Variants in PUM2 observed in about 807,000 individuals in gnomAD.
PUM2 encodes the protein pumilio RNA binding family member 2.
In PUM2, 57 loss-of-function variants were observed where a neutral mutation model predicts 124.5. The ratio of observed to expected loss-of-function variants is 0.46; its 90% CI spans 0.37 to 0.57. The LOEUF (loss-of-function observed/expected upper bound fraction) is 0.57, where lower values mean the gene tolerates loss of function less well. Ranked by LOEUF, PUM2 falls within the 20% of genes least tolerant of loss-of-function variation. The pLI, the probability that PUM2 is intolerant of heterozygous loss-of-function variation, is 0.00. For synonymous variants in PUM2, 460 were observed against 446.1 expected (o/e 1.03, Z -0.39); for missense variants, 1,065 against 1,290.6 (o/e 0.83, Z 2.68).
intron 2 of PUM2, among the ~76,000 whole-genome samples, chr2:20,322,468 G>A (rs1682610143): frequency 6.6e-6 from 1 of 151,896 alleles, no homozygotes; most frequent in African/African-American, 2.4e-5. Flanking sequence ...AAATTAGCCG[G>A]GTGTGGTGGC....
intron 13 of PUM2, among the ~76,000 whole-genome samples, 185 bp from the exon 14 acceptor site, chr2:20,263,645 T>G (rs556746966): frequency 5.9e-5 from 9 of 152,300 alleles, no homozygotes; most frequent in Non-Finnish European, 8.8e-5. Context: ...TGTGGCTATA[T>G]GATAAAGAGA....
At chr2:20,303,959 G>C (rs1198919706) in intron 7 of PUM2, among the ~76,000 whole-genome samples, 1 of 150,692 alleles carries the variant, frequency 6.6e-6, no homozygotes, top group Admixed American at 6.6e-5. Flanking sequence ...CCATAACTTA[G>C]AACTCTGCGA....
chr2:20,342,173 TA>T lies in PUM2; in HGVS notation c.-19+8423del, dbSNP rs11293035. Among the ~76,000 whole-genome samples, 741 of 151,624 alleles carry T rather than the reference TA, an allele frequency of 4.9e-3. 6 individuals carry two copies. The highest frequency in any genetic ancestry group is 0.016 in the African/African-American group (665 of 41,344). On this transcript the variant is annotated intron_variant, in intron 1 of 20. Transcript: ENST00000361078. ...AGAAAAAGAAATGTTAACTAAATTG[TA>T]ACAGAGAACTAAAGGAAGAAATCTG...
In PUM2 at chr2:20,327,298, G is replaced by A; in HGVS notation, c.51+12C>T. ...AGTGAGGTGTAAGTTCTTAGTATTT[G>A]CAAACATTTACCTCTCCCATTCCCC... On this transcript the variant is annotated intron_variant, in intron 2 of 20. Transcript: ENST00000361078. The A allele has an allele frequency of 6.6e-7, 1 of 1,518,354 alleles. No individual in the cohort carries two copies. 94.1% of individuals were successfully genotyped at this position (1,518,354 alleles called of 1,614,324 possible). A position where few individuals can be genotyped will look rare whatever the true frequency, so the allele number is the denominator to read the frequency against.
chr2:20,339,849 C>T (rs955297407), intron 1 of PUM2, among the ~76,000 whole-genome samples: 4 of 152,084 alleles, frequency 2.6e-5, no homozygotes, highest in Non-Finnish European at 4.4e-5. Flanking sequence ...GAGCCGAGAT[C>T]GTGCCACTGT....
intron 7 of PUM2, among the ~76,000 whole-genome samples, chr2:20,304,901 A>G (rs1478828278): frequency 6.6e-6 from 1 of 152,226 alleles, no homozygotes; most frequent in Non-Finnish European, 1.5e-5. Context: ...TGATTACTAA[A>G]TAACTGCAAA....
At chr2:20,271,153 C>G (rs1356232023) in intron 13 of PUM2, among the ~76,000 whole-genome samples, 1 of 151,546 alleles carries the variant, frequency 6.6e-6, no homozygotes. Context: ...CACAGATATT[C>G]AATATTGAAT....
chr2:20,294,861 A>G (rs1675144359), intron 8 of PUM2, among the ~76,000 whole-genome samples: 1 of 152,224 alleles, frequency 6.6e-6, no homozygotes, highest in South Asian at 2.1e-4. Flanking sequence ...TTAAATGCTC[A>G]TTCATCGTTT....
At chr2:20,278,298 T>C (rs143577741) in intron 13 of PUM2, among the ~76,000 whole-genome samples, 1 of 152,182 alleles carries the variant, frequency 6.6e-6, no homozygotes, top group African/African-American at 2.4e-5. Flanking sequence ...ACTTTTCAGA[T>C]GCTCTAAAAC....
intron 1 of PUM2, among the ~76,000 whole-genome samples, chr2:20,345,228 A>G (rs1470879718): frequency 2.0e-5 from 3 of 151,270 alleles, no homozygotes; most frequent in African/African-American, 7.3e-5. Context: ...TTCCCACCTC[A>G]GCCTCCCAAA....
intron 13 of PUM2, among the ~76,000 whole-genome samples, chr2:20,272,659 C>A (rs1669309708): frequency 1.3e-5 from 2 of 152,134 alleles, no homozygotes; most frequent in African/African-American, 4.8e-5. Flanking sequence ...TCTGCTTTTC[C>A]ATTTTCATTT....
At chr2:20,300,446 G>T (rs1015013277) in intron 7 of PUM2, among the ~76,000 whole-genome samples, 131 of 152,340 alleles carry the variant, frequency 8.6e-4, no homozygotes, top group Non-Finnish European at 4.1e-4. Flanking sequence ...ATAGCACCCG[G>T]CCTCAAGTTA....
intron 13 of PUM2, among the ~76,000 whole-genome samples, chr2:20,264,567 T>G (rs1349547104): frequency 6.6e-6 from 1 of 151,424 alleles, no homozygotes; most frequent in African/African-American, 2.4e-5. Context: ...TGCAGGAAAT[T>G]TTTAAAATTA....
At chr2:20,282,148 A>G (rs1425805400) in intron 12 of PUM2, among the ~76,000 whole-genome samples, 1 of 152,168 alleles carries the variant, frequency 6.6e-6, no homozygotes, top group Non-Finnish European at 1.5e-5. Flanking sequence ...TTTTTTCCCT[A>G]ATGTTTCCTG....
At chr2:20,319,731 A>C (rs1231039928) in intron 2 of PUM2, among the ~76,000 whole-genome samples, 1 of 152,224 alleles carries the variant, frequency 6.6e-6, no homozygotes, top group Non-Finnish European at 1.5e-5. Flanking sequence ...ACATGTGGGA[A>C]GGTCAAAAGT....
At chr2:20,264,720 G>C in intron 13 of PUM2, among the ~76,000 whole-genome samples, 1 of 152,080 alleles carries the variant, frequency 6.6e-6, no homozygotes, top group Non-Finnish European at 1.5e-5. Context: ...AATCTATGCA[G>C]AGTAGTACTA....
chr2:20,281,449 G>A (rs939193454), intron 12 of PUM2, among the ~76,000 whole-genome samples: 1 of 152,116 alleles, frequency 6.6e-6, no homozygotes, highest in African/African-American at 2.4e-5. Flanking sequence ...ACGTGAGAAA[G>A]GAAACATGGG....
In PUM2 at chr2:20,278,776, TAGAG is replaced by T. The variant is rs776259468; in HGVS notation, c.1760_1763del (p.Ser587TyrfsTer15). ...TTTTGTACAAGTCAGAGCTAGTAGATAGAGACTCTCTCCTTGTGGCACTACTACT... is the reference window on the plus strand; with the variant it reads ...TTTTGTACAAGTCAGAGCTAGTAGATACTCTCTCCTTGTGGCACTACTACT... On this transcript the variant is annotated frameshift_variant, in exon 13 of 21. Transcript: ENST00000361078. LOFTEE classifies it high-confidence loss of function. 1 of 1,613,320 alleles carries T rather than the reference TAGAG, an allele frequency of 6.2e-7. No homozygotes were observed. Among genetic ancestry groups the T allele is most frequent in the Non-Finnish European group, 8.5e-7 (1 of 1,179,636 alleles).
intron 7 of PUM2, among the ~76,000 whole-genome samples, chr2:20,304,099 G>A (rs1177625162): frequency 6.6e-6 from 1 of 152,048 alleles, no homozygotes; most frequent in Non-Finnish European, 1.5e-5. Flanking sequence ...CATACTATAG[G>A]GTCAAATCTC....
Sources: gnomAD v4.1 joint callset for allele counts (sites outside exome capture counted in the v4.1 genomes callset) on GRCh38, gnomAD v4.1.1 for gene constraint, MANE v1.5 for transcripts, NCBI Gene and HGNC (gene_info 2026-07-23, HGNC 2026-07-21) for gene names.